The following GDPD1 variants were observed in gnomAD, a reference collection of about 807,000 sequenced individuals.
GDPD1 encodes lysophospholipase D GDPD1.
In GDPD1, 28 loss-of-function variants were observed where a neutral mutation model predicts 45.1. The ratio of observed to expected loss-of-function variants is 0.62; its 90% CI spans 0.46 to 0.85. GDPD1 has a LOEUF of 0.85. Among genes scored for constraint, GDPD1 ranks in the 40% least tolerant of loss-of-function variants. GDPD1 has a pLI of 0.00. For missense variants in GDPD1, 256 were observed against 364.8 expected (o/e 0.70, Z 2.43); for synonymous variants, 139 against 131.4 (o/e 1.06, Z -0.40).
intron 6 of GDPD1, among the ~76,000 whole-genome samples, chr17:59,265,031 G>T (rs925480567): frequency 4.0e-5 from 6 of 151,738 alleles, no homozygotes; most frequent in Non-Finnish European, 5.9e-5. Flanking sequence ...AGTAGAGGCA[G>T]GATTTCACCA....
chr17:59,257,769 C>T lies in GDPD1; in HGVS notation c.505C>T (p.Arg169Trp), dbSNP rs984930022. 3 of 1,601,922 alleles carry T rather than the reference C, an allele frequency of 1.9e-6. No homozygotes were observed. Among genetic ancestry groups the T allele is most frequent in the African/African-American group, 2.7e-5 (2 of 74,342 alleles). The part of the protein sequence containing the change: ...LIKKVSELVK[R>W]YNREHLTVWG... ...CACGTAGGTTTCAGAGTTGGTGAAG[C>T]GGTATAATCGAGAACACTTAACAGT... The change falls in exon 6 of 10, where the codon CGG becomes TGG. Residue 169 changes from arginine to tryptophan, a missense_variant. Physicochemically the swap from Arg to Trp is moderately radical, Grantham distance 101 (BLOSUM62 -3). Coordinates refer to ENST00000284116, the MANE Select transcript of GDPD1 (RefSeq NM_182569.4).
In GDPD1 at chr17:59,257,177, G is replaced by A; in HGVS notation, c.423G>A (p.Glu141=). ...NRIPLLKEVF[E]AFPNTPINID... Reference sequence around the variant, plus strand: ...TTCCATTACTGAAGGAAGTTTTTGAGGCCTTTCCTAACACTCCCATTAACA... The same window carrying A: ...TTCCATTACTGAAGGAAGTTTTTGAAGCCTTTCCTAACACTCCCATTAACA... Residue 141 remains glutamate, a synonymous_variant, in exon 5 of 10, where the codon GAG becomes GAA. Transcript: ENST00000284116. 6.2e-7 allele frequency: 1 copy of A among 1,608,752 alleles called. No individual in the cohort carries two copies. Among genetic ancestry groups the A allele is most frequent in the Non-Finnish European group, 8.5e-7 (1 of 1,177,506 alleles).
At position 59,269,614 on chromosome 17, in the gene GDPD1, G is replaced by T. The variant is rs1255726324; in HGVS notation, c.711-1322G>T. Among the ~76,000 whole-genome samples, 3 of 151,824 alleles carry T rather than the reference G, an allele frequency of 2.0e-5. No homozygotes were observed. In the East Asian group the frequency reaches 5.8e-4, roughly 29 times the overall value. ...GAGGCAGGCGGATCACCTGAGGTCGGGAGTTCCATACCAGCCTGGCCAACA... is the reference window on the plus strand; with the variant it reads ...GAGGCAGGCGGATCACCTGAGGTCGTGAGTTCCATACCAGCCTGGCCAACA... On this transcript the variant is annotated intron_variant, in intron 7 of 9. Coordinates refer to ENST00000284116, the MANE Select transcript of GDPD1 (RefSeq NM_182569.4).
At chr17:59,240,146 G>A (rs2047164498) in intron 2 of GDPD1, among the ~76,000 whole-genome samples, 1 of 151,980 alleles carries the variant, frequency 6.6e-6, no homozygotes, top group Non-Finnish European at 1.5e-5. Flanking sequence ...ACAAAAATTA[G>A]TTGGCGTGGT....
intron 4 of GDPD1, among the ~76,000 whole-genome samples, chr17:59,250,613 C>A (rs1409733775): frequency 0.019 from 1,888 of 100,870 alleles, no homozygotes; most frequent in Non-Finnish European, 0.023. Flanking sequence ...GACCTTGTCT[C>A]AAAAAAAAAA....
intron 2 of GDPD1, among the ~76,000 whole-genome samples, chr17:59,243,862 C>A (rs2047192475): frequency 6.6e-6 from 1 of 152,188 alleles, no homozygotes; most frequent in Non-Finnish European, 1.5e-5. Flanking sequence ...CCATTCCCCT[C>A]ATTTAGAAAT....
chr17:59,252,997 CA>C (rs1370188658), intron 4 of GDPD1, among the ~76,000 whole-genome samples: 2 of 151,446 alleles, frequency 1.3e-5, no homozygotes, highest in African/African-American at 4.8e-5. Context: ...GTCTCAACAA[CA>C]AAAAAAAGTG....
chr17:59,231,175 A>G (rs1358299355), intron 1 of GDPD1, among the ~76,000 whole-genome samples: 1 of 152,122 alleles, frequency 6.6e-6, no homozygotes, highest in East Asian at 1.9e-4. Flanking sequence ...TTACTCCTTG[A>G]TAACTGTTCT....
At chr17:59,245,628 G>A in intron 3 of GDPD1, 79 bp downstream of exon 3, 4 of 1,077,866 alleles carry the variant, frequency 3.7e-6, no homozygotes, top group South Asian at 1.7e-5. Flanking sequence ...GCGAATATCA[G>A]CAAAAAATTT....
At chr17:59,267,800 G>A (rs1401955161) in intron 7 of GDPD1, among the ~76,000 whole-genome samples, 1 of 151,726 alleles carries the variant, frequency 6.6e-6, no homozygotes, top group African/African-American at 2.4e-5. Flanking sequence ...CTCCCGAGTA[G>A]CTGGGATTAT....
At chr17:59,251,903 G>A (rs578044907) in intron 4 of GDPD1, among the ~76,000 whole-genome samples, 5 of 150,678 alleles carry the variant, frequency 3.3e-5, no homozygotes, top group African/African-American at 1.2e-4. Context: ...CCTACCTAGG[G>A]AGGCTGAGGT....
At chr17:59,265,332 C>T (rs1248974341) in intron 6 of GDPD1, among the ~76,000 whole-genome samples, 1 of 151,474 alleles carries the variant, frequency 6.6e-6, no homozygotes, top group Non-Finnish European at 1.5e-5. Context: ...CCCAGGAGTT[C>T]AAGACCAGCC....
intron 3 of GDPD1, 22 bp downstream of exon 3, chr17:59,245,571 A>G (rs1327375439): frequency 8.2e-6 from 13 of 1,579,444 alleles, no homozygotes; most frequent in Non-Finnish European, 1.1e-5. Flanking sequence ...TGCATGATAA[A>G]CTAATATCTA....
chr17:59,255,793 A>G (rs1385989207), intron 4 of GDPD1, among the ~76,000 whole-genome samples: 1 of 65,714 alleles, frequency 1.5e-5, no homozygotes, highest in Non-Finnish European at 2.6e-5. Context: ...ATACGCGTAT[A>G]TATGTATATA....
chr17:59,252,765 T>C (rs373585551), intron 4 of GDPD1, among the ~76,000 whole-genome samples: 1 of 151,230 alleles, frequency 6.6e-6, no homozygotes, highest in African/African-American at 2.4e-5. Flanking sequence ...TTTGGGAGGT[T>C]GAGGCAGGAA....
chr17:59,260,860 A>T (rs2047350258), intron 6 of GDPD1: 1 of 152,230 alleles, frequency 6.6e-6, no homozygotes. Context: ...ACAAAGAAAC[A>T]AAACAAACAA....
In GDPD1 at chr17:59,267,082, G is replaced by T; in HGVS notation, c.618G>T (p.Leu206=). Residue 206 remains leucine, a synonymous_variant, in exon 7 of 10, where the codon CTG becomes CTT. Coordinates refer to ENST00000284116, the MANE Select transcript of GDPD1 (RefSeq NM_182569.4). ...TACTCTTCAGTCTACAACGTGTCCT[G>T]CTCATTCTTGGCCTTTTCTTCACTG... ...IPILFSLQRV[L]LILGLFFTGL... 1 of 1,613,150 alleles carries T rather than the reference G, an allele frequency of 6.2e-7. No homozygotes were observed. Among genetic ancestry groups the T allele is most frequent in the Admixed American group, 1.7e-5 (1 of 60,012 alleles).
At chr17:59,258,642 T>G (rs745947149) in intron 6 of GDPD1, among the ~76,000 whole-genome samples, 14 of 152,174 alleles carry the variant, frequency 9.2e-5, no homozygotes, top group Non-Finnish European at 2.1e-4. Flanking sequence ...ATAGTAGAGA[T>G]AATGGATTTG....
intron 6 of GDPD1, among the ~76,000 whole-genome samples, chr17:59,262,469 GCT>G (rs1474764650): frequency 6.6e-6 from 1 of 151,962 alleles, no homozygotes; most frequent in Non-Finnish European, 1.5e-5. Flanking sequence ...AAGACATTAT[GCT>G]TAGTGAAAAA....
Sources: gnomAD v4.1 joint callset for allele counts (sites outside exome capture counted in the v4.1 genomes callset) on GRCh38, gnomAD v4.1.1 for gene constraint, MANE v1.5 for transcripts, NCBI Gene and HGNC (gene_info 2026-07-23, HGNC 2026-07-21) for gene names.